Variants in UBR4 observed in about 807,000 individuals in gnomAD.
UBR4 encodes E3 ubiquitin-protein ligase UBR4.
A neutral mutation model predicts 575.6 loss-of-function variants in UBR4; 124 were observed. That is an observed-to-expected ratio of 0.22 (90% CI 0.19 to 0.25). The LOEUF (loss-of-function observed/expected upper bound fraction) is 0.25, where lower values mean the gene tolerates loss of function less well. Among genes scored for constraint, UBR4 ranks in the 10% least tolerant of loss-of-function variants. UBR4 has a pLI of 1.00. For synonymous variants in UBR4, 2,455 were observed against 2,473.7 expected, an observed-to-expected ratio of 0.99 and a Z score of 0.22; for missense variants, 4,818 against 6,478.8, an observed-to-expected ratio of 0.74 and a Z score of 8.80.
At chr1:19,197,630 A>G (rs1484991990) in intron 7 of UBR4, 40 bp downstream of exon 7, 2 of 1,607,792 alleles carry the variant, frequency 1.2e-6, no homozygotes, top group Non-Finnish European at 1.7e-6. Context: ...CTGTCCCAAA[A>G]ACAAAAAAAG....
chr1:19,118,416 A>AC (rs1294258514), intron 71 of UBR4: 8 of 151,840 alleles, frequency 5.3e-5, no homozygotes, highest in Non-Finnish European at 1.1e-4. Flanking sequence ...GAAACTAAAG[A>AC]CCTTTTTTTT....
chr1:19,110,832 T>C lies in UBR4; in HGVS notation c.11802A>G (p.Arg3934=), dbSNP rs776235594. 6.2e-7 allele frequency: 1 copy of C among 1,613,696 alleles called. No individual in the cohort carries two copies. The change falls in exon 79 of 106, where the codon CGA becomes CGG. Residue 3934 remains arginine (R), a splice_region_variant and synonymous_variant. Coordinates refer to ENST00000375254, the MANE Select transcript of UBR4 (RefSeq NM_020765.3). The surrounding 1 kb of genome is among the most constrained non-coding windows in gnomAD (Gnocchi z 4.5). ...TCTGTTGGGTGGCTTCTGGGTTGTC[T>C]CTGCAGAAGCAAATAGAAATGGAGT... The part of the protein sequence containing the change: ...EVRQLMCLLT[R]DNPEATQQMN...
intron 52 of UBR4, 136 bp downstream of exon 52, chr1:19,146,690 G>A (rs1312239707): frequency 6.9e-6 from 8 of 1,159,692 alleles, no homozygotes; most frequent in Non-Finnish European, 9.8e-6. Flanking sequence ...GGCCCTACAA[G>A]GTATAAAGAC....
intron 102 of UBR4, among the ~76,000 whole-genome samples, chr1:19,084,296 T>A (rs940459822): frequency 6.6e-6 from 1 of 152,188 alleles, no homozygotes; most frequent in Non-Finnish European, 1.5e-5. Context: ...ACAGGGCAGT[T>A]TGGGGGAAGG....
At chr1:19,177,847 A>T (rs1318141690) in intron 18 of UBR4, 104 bp from the exon 19 acceptor site, 8 of 1,297,804 alleles carry the variant, frequency 6.2e-6, no homozygotes, top group Non-Finnish European at 8.4e-6. Context: ...CCCAGGCAGT[A>T]AGATAACAAA....
rs1446641125 is a variant in UBR4, at chr1:19,173,494, T to C, written c.3110A>G (p.His1037Arg). ...SPEMSECDIL[H>R]TLRWSSRLRI... ...GAGCCGAGAAGACCATCGCAGAGTG[T>C]GCAAGATGTCACATTCGCTCATCTC... Residue 1037 changes from histidine to arginine, a missense_variant, in exon 23 of 106, where the codon CAC (histidine) becomes CGC (arginine). By Grantham distance (29) the His-to-Arg change is conservative. This residue lies in a region of UBR4 where 1,172 missense variants were observed against 1,259.7 expected (regional missense o/e 0.93). Coordinates refer to ENST00000375254, the MANE Select transcript of UBR4 (RefSeq NM_020765.3). The C allele has an allele frequency of 1.2e-6, 2 of 1,614,178 alleles. No individual in the cohort carries two copies. Among genetic ancestry groups the C allele is most frequent in the South Asian group, 1.1e-5 (1 of 91,080 alleles).
intron 17 of UBR4, among the ~76,000 whole-genome samples, chr1:19,182,637 T>C (rs2091105214): frequency 6.6e-6 from 1 of 152,314 alleles, no homozygotes; most frequent in East Asian, 1.9e-4. Context: ...ACACTTACTT[T>C]CCATTTAATA....
At chr1:19,184,828 T>C (rs1171588260) in intron 15 of UBR4, among the ~76,000 whole-genome samples, 2 of 152,120 alleles carry the variant, frequency 1.3e-5, no homozygotes, top group East Asian at 3.8e-4. Flanking sequence ...ATCACTCCCA[T>C]ATGATAGGAG....
intron 39 of UBR4, 46 bp downstream of exon 39, chr1:19,160,065 T>G (rs2087079271): frequency 6.3e-7 from 1 of 1,588,520 alleles, no homozygotes; most frequent in African/African-American, 1.4e-5. Context: ...TCAATAAATT[T>G]GTTGGTTCCC....
Position 19,104,613 on chromosome 1 carries a change from C to T in UBR4, c.12699G>A (p.Gln4233=), listed in dbSNP as rs368992520. ...LEEATLSTDL[Q]QGYALKSLTG... is the part of the protein sequence containing the mutation. ...TGAGACTTTTAAGGGCATAACCCTG[C>T]TGCAGATCGGTACTCAGGGTAGCCT... The change falls in exon 86 of 106, where the codon CAG becomes CAA. Residue 4233 remains glutamine (Q), a synonymous_variant. Transcript: ENST00000375254. 63 of 1,614,134 alleles carry T rather than the reference C, an allele frequency of 3.9e-5. 1 individual carries two copies. The South Asian group carries it at 5.2e-4, about 13-fold the overall frequency.
chr1:19,088,860 C>T lies in UBR4; in HGVS notation c.14329G>A (p.Val4777Ile), dbSNP rs1023431881. Residue 4777 changes from valine to isoleucine, a missense_variant, in exon 98 of 106, where the codon GTA becomes ATA. This residue lies in a region of UBR4 where 196 missense variants were observed against 386.8 expected (regional missense o/e 0.51). Coordinates refer to ENST00000375254, the MANE Select transcript of UBR4 (RefSeq NM_020765.3). The surrounding 1 kb of genome is among the most constrained non-coding windows in gnomAD (Gnocchi z 4.0). ...CGGGCTGCGTCAATCTTCTTGTTTA[C>T]GTCAGGGTGTTCCCGCAGGGCTTCC... ...LLEALREHPD[V>I]NKKIDAARRE... 9 of 1,614,072 alleles carry T rather than the reference C, an allele frequency of 5.6e-6. No individual in the cohort carries two copies. Among genetic ancestry groups the T allele is most frequent in the African/African-American group, 1.3e-5 (1 of 74,906 alleles).
At chr1:19,184,265 C>T (rs2091308871) in intron 15 of UBR4, 90 bp from the exon 16 acceptor site, 1 of 1,358,604 alleles carries the variant, frequency 7.4e-7, no homozygotes, top group Admixed American at 2.3e-5. Flanking sequence ...ATAAAATATG[C>T]TCATAGGTAT....
rs77594178 is a variant in UBR4, at chr1:19,126,877, T to C, written c.9229-222A>G. Among the ~76,000 whole-genome samples, 852 of 152,318 alleles carry C rather than the reference T, an allele frequency of 5.6e-3. 5 individuals carry two copies. Among genetic ancestry groups the C allele is most frequent in the Non-Finnish European group, 8.9e-3 (608 of 68,034 alleles). The stretch of plus-strand genomic sequence containing the variant: ...TAAGACAAACAAAGAAACACATCTG[T>C]TCTCAACTCTAACCTTGCTACACGC... On this transcript the variant is annotated intron_variant, in intron 63 of 105. Transcript: ENST00000375254.
intron 17 of UBR4, among the ~76,000 whole-genome samples, chr1:19,181,170 G>A (rs1318713658): frequency 6.6e-6 from 1 of 152,098 alleles, no homozygotes; most frequent in African/African-American, 2.4e-5. Context: ...ACTTGGGCCA[G>A]GAGTTCGAGC....
chr1:19,177,201 G>A (rs1465856440), intron 19 of UBR4, among the ~76,000 whole-genome samples: 3 of 152,202 alleles, frequency 2.0e-5, no homozygotes, highest in Non-Finnish European at 4.4e-5. Flanking sequence ...AGGTAGAGCA[G>A]GGCAATTCGT....
chr1:19,163,899 C>G lies in UBR4; in HGVS notation c.4701-72G>C, dbSNP rs888619149. The stretch of plus-strand genomic sequence containing the variant: ...CGAAGAAACCAACGAAATGAGGCAT[C>G]TTCATTAACTTTGAATCAATCTGAG... On this transcript the variant is annotated intron_variant, in intron 33 of 105. Coordinates refer to ENST00000375254, the MANE Select transcript of UBR4 (RefSeq NM_020765.3). The G allele has an allele frequency of 6.1e-6, 9 of 1,487,306 alleles. No homozygotes were observed. In the African/African-American group the frequency reaches 1.2e-4, roughly 21 times the overall value. 92.1% of individuals were successfully genotyped at this position (1,487,306 alleles called of 1,614,324 possible). A position where few individuals can be genotyped will look rare whatever the true frequency, so the allele number is the denominator to read the frequency against.
At chr1:19,168,576 C>A (rs1216456065) in intron 27 of UBR4, among the ~76,000 whole-genome samples, 1 of 152,044 alleles carries the variant, frequency 6.6e-6, no homozygotes, top group East Asian at 1.9e-4. Context: ...GCAGGGATAA[C>A]AAGACTATAA....
chr1:19,088,744 A>G lies in UBR4; in HGVS notation c.14430+15T>C. Reference sequence around the variant, plus strand: ...GTGTGGGCAGAAATATGGGGACTCTAGGTGGTAGCTTTACCGTCATGCCCA... The same window carrying G: ...GTGTGGGCAGAAATATGGGGACTCTGGGTGGTAGCTTTACCGTCATGCCCA... On this transcript the variant is annotated intron_variant, in intron 98 of 105. Transcript: ENST00000375254. This position sits in a 1 kb window ranked among gnomAD's most constrained non-coding sequence, Gnocchi z 4.0. The G allele has an allele frequency of 6.2e-7, 1 of 1,611,408 alleles. No individual in the cohort carries two copies. Among genetic ancestry groups the G allele is most frequent in the Non-Finnish European group, 8.5e-7 (1 of 1,179,312 alleles).
chr1:19,089,368 AG>A lies in UBR4; in HGVS notation c.14212-392del, dbSNP rs1034144378. ...GATGTGTACTGAGTGGTGAACCAGC[AG>A]CCAGAGCAGGCACTGGACGTTCTCC... On this transcript the variant is annotated intron_variant, in intron 97 of 105. Coordinates refer to ENST00000375254, the MANE Select transcript of UBR4 (RefSeq NM_020765.3). The surrounding 1 kb of genome is among the most constrained non-coding windows in gnomAD (Gnocchi z 4.3). 1.3e-5 allele frequency among the ~76,000 whole-genome samples: 2 copies of A among 152,216 alleles called. No individual in the cohort carries two copies. Among genetic ancestry groups the A allele is most frequent in the African/African-American group, 4.8e-5 (2 of 41,448 alleles).
Sources: allele counts gnomAD v4.1 joint callset (sites outside exome capture counted in the v4.1 genomes callset), GRCh38; gene constraint gnomAD v4.1.1; regional missense constraint gnomAD v4.1.1; non-coding constraint Gnocchi (gnomAD v3.1); transcripts MANE v1.5; gene names NCBI Gene and HGNC (gene_info 2026-07-23, HGNC 2026-07-21).